The following EVL variants were observed in gnomAD, a reference collection of about 807,000 sequenced individuals.
EVL encodes Enah/Vasp-like, also known as ena/VASP-like protein.
Under a neutral mutation model 59.6 loss-of-function variants are expected in EVL, and 21 were observed. That is an observed-to-expected ratio of 0.35 (90% confidence interval 0.25 to 0.51). The LOEUF (loss-of-function observed/expected upper bound fraction) is 0.51, where lower values mean the gene tolerates loss of function less well. EVL is among the 20% of genes least tolerant of loss of function. The pLI, the probability that EVL is intolerant of heterozygous loss-of-function variation, is 0.97. For synonymous variants in EVL, 198 were observed against 203.5 expected (o/e 0.97, Z 0.23); for missense variants, 462 against 546.6 (o/e 0.85, Z 1.54).
intron 3 of EVL, among the ~76,000 whole-genome samples, chr14:100,103,187 A>ATT (rs143706344): frequency 0.014 from 2,048 of 142,526 alleles, 49 homozygotes; most frequent in African/African-American, 0.048. Context: ...TTTCCCAGAG[A>ATT]GTTTTTTTTT....
chr14:100,003,744 T>C (rs2060960932), intron 1 of EVL, among the ~76,000 whole-genome samples: 1 of 152,250 alleles, frequency 6.6e-6, no homozygotes, highest in South Asian at 2.1e-4. Context: ...AAAAAAATTT[T>C]TTTTAATCTC....
intron 1 of EVL, among the ~76,000 whole-genome samples, chr14:100,011,764 A>G (rs1405218176): frequency 6.6e-6 from 1 of 152,194 alleles, no homozygotes; most frequent in Admixed American, 6.5e-5. Flanking sequence ...AGGATAATCT[A>G]ATTATATGGC....
intron 3 of EVL, among the ~76,000 whole-genome samples, chr14:100,111,288 C>T (rs527877358): frequency 1.3e-5 from 2 of 151,736 alleles, no homozygotes; most frequent in African/African-American, 2.4e-5. Context: ...TCCCAAGTAG[C>T]TGGGACTACA....
At chr14:100,054,793 G>A (rs536071920) in intron 1 of EVL, among the ~76,000 whole-genome samples, 1 of 152,188 alleles carries the variant, frequency 6.6e-6, no homozygotes, top group African/African-American at 2.4e-5. Context: ...GGGGAACTGT[G>A]AATGACATTA....
At chr14:100,002,175 T>A (rs144474908) in intron 1 of EVL, among the ~76,000 whole-genome samples, 1,525 of 152,306 alleles carry the variant, frequency 0.01, 32 homozygotes, top group African/African-American at 0.035. Context: ...ATTCCTGTTC[T>A]GCTTGATATC....
rs766287111 is a variant in EVL, at chr14:100,114,747, C to G, written c.359-8792C>G. On this transcript the variant is annotated intron_variant, in intron 3 of 13. Coordinates refer to ENST00000392920, the MANE Select transcript of EVL (RefSeq NM_016337.3). The surrounding 1 kb of genome is among the most constrained non-coding windows in gnomAD (Gnocchi z 5.0). ...CTGTAGGTGATGGGAGCCCCTCTCT[C>G]TCCTCCCTGCTCCTCATGGGCCTCT... 2.0e-5 allele frequency among the ~76,000 whole-genome samples: 3 copies of G among 152,186 alleles called. No homozygotes were observed. The highest frequency in any genetic ancestry group is 2.9e-5 in the Non-Finnish European group (2 of 68,026).
At chr14:100,000,171 G>A (rs193270657) in intron 1 of EVL, among the ~76,000 whole-genome samples, 3 of 152,170 alleles carry the variant, frequency 2.0e-5, no homozygotes, top group Non-Finnish European at 2.9e-5. Context: ...TCCTGACAAC[G>A]TGTGCCCAAG....
intron 3 of EVL, among the ~76,000 whole-genome samples, chr14:100,122,750 T>A (rs1431623616): frequency 6.6e-6 from 1 of 152,216 alleles, no homozygotes; most frequent in African/African-American, 2.4e-5. Context: ...GTCAGCTCTT[T>A]CTTAGGTGGC....
intron 1 of EVL, among the ~76,000 whole-genome samples, chr14:100,078,666 G>A (rs535384274): frequency 1.6e-4 from 24 of 152,268 alleles, no homozygotes; most frequent in African/African-American, 5.5e-4. Flanking sequence ...AAGTCCAGTC[G>A]TATCAGCTGG....
At chr14:100,121,247 G>A (rs1168603400) in intron 3 of EVL, among the ~76,000 whole-genome samples, 2 of 152,152 alleles carry the variant, frequency 1.3e-5, no homozygotes, top group Non-Finnish European at 2.9e-5. Context: ...GCTTCCCAAG[G>A]GCCACCAGCA....
intron 1 of EVL, chr14:99,977,481 C>T (rs1433067968): frequency 6.6e-6 from 1 of 152,220 alleles, no homozygotes; most frequent in Non-Finnish European, 1.5e-5. Flanking sequence ...TCACTGCAAC[C>T]TCCATCTCCC....
At chr14:100,081,439 A>G (rs188104733) in intron 1 of EVL, among the ~76,000 whole-genome samples, 13 of 151,462 alleles carry the variant, frequency 8.6e-5, no homozygotes, top group African/African-American at 2.9e-4. Context: ...AACCAATACT[A>G]TTCAAAGGGT....
At chr14:100,129,824 A>C in intron 7 of EVL, 140 bp downstream of exon 7, 1 of 1,279,910 alleles carries the variant, frequency 7.8e-7, no homozygotes, top group Non-Finnish European at 1.0e-6. Flanking sequence ...ACTGTTACTT[A>C]AGTTTTCCCT....
At chr14:100,001,838 T>G (rs187414259) in intron 1 of EVL, among the ~76,000 whole-genome samples, 100 of 152,352 alleles carry the variant, frequency 6.6e-4, no homozygotes, top group African/African-American at 2.4e-3. Flanking sequence ...GTTTGATTCC[T>G]TAAAGGAAAG....
chr14:100,087,811 G>A (rs911850584), intron 2 of EVL, among the ~76,000 whole-genome samples: 5 of 151,418 alleles, frequency 3.3e-5, no homozygotes, highest in Admixed American at 6.6e-5. Context: ...CATTCTTCCC[G>A]CAGAATGCTG....
chr14:99,993,690 T>A (rs1008793811), intron 1 of EVL, among the ~76,000 whole-genome samples: 1 of 134,294 alleles, frequency 7.4e-6, no homozygotes, highest in African/African-American at 2.9e-5. Context: ...TCTTTCTTTT[T>A]TTTTTTTTTT....
rs1247330528 is a variant in EVL at position 100,125,032 on chromosome 14, GACC to G, written c.422+1433_422+1435del. Among the ~76,000 whole-genome samples the G allele has an allele frequency of 7.6e-5, 11 of 145,526 alleles. No individual in the cohort carries two copies. In the East Asian group the frequency reaches 8.0e-4, roughly 11 times the overall value. On this transcript the variant is annotated intron_variant, in intron 4 of 13. Transcript: ENST00000392920. ...CACACACACACCTGCCCCAAGATGA[GACC>G]ACATGTGGATAGACACACACACACA... is the stretch of plus-strand genomic sequence containing the variant.
chr14:100,116,404 G>A (rs1301144291), intron 3 of EVL, among the ~76,000 whole-genome samples: 3 of 152,146 alleles, frequency 2.0e-5, no homozygotes, highest in African/African-American at 4.8e-5. Context: ...TGACATCTCC[G>A]GTTCTATCTT....
At chr14:100,125,195 C>CT (rs61456003) in intron 4 of EVL, among the ~76,000 whole-genome samples, 1 of 138,518 alleles carries the variant, frequency 7.2e-6, no homozygotes, top group Non-Finnish European at 1.6e-5. Flanking sequence ...CACACACACA[C>CT]CTGCCCCAAG....
Sources: gnomAD v4.1 joint callset for allele counts (sites outside exome capture counted in the v4.1 genomes callset) on GRCh38, gnomAD v4.1.1 for gene constraint, Gnocchi (gnomAD v3.1) non-coding constraint, MANE v1.5 for transcripts, NCBI Gene and HGNC (gene_info 2026-07-23, HGNC 2026-07-21) for gene names.